Variants in PPP2R2C observed in about 807,000 individuals in gnomAD.
The protein encoded by PPP2R2C is protein phosphatase 2, regulatory subunit B, gamma.
PPP2R2C carries 10 observed loss-of-function variants against 45.3 expected under a neutral mutation model. The ratio of observed to expected loss-of-function variants is 0.22; its 90% CI spans 0.14 to 0.37. The LOEUF (loss-of-function observed/expected upper bound fraction) is 0.37, where lower values mean the gene tolerates loss of function less well. Among genes scored for constraint, PPP2R2C ranks in the 10% least tolerant of loss-of-function variants. The pLI is 1.00. For synonymous variants in PPP2R2C, 257 were observed against 245.4 expected, an observed-to-expected ratio of 1.05 and a Z score of -0.44; for missense variants, 308 against 619.7, an observed-to-expected ratio of 0.50 and a Z score of 5.34.
rs1052737800 is a variant in PPP2R2C at position 6,349,931 on chromosome 4, C to T, written c.626-1921G>A. On this transcript the variant is annotated intron_variant, in intron 5 of 8. Coordinates refer to ENST00000382599, the MANE Select transcript of PPP2R2C (RefSeq NM_020416.4). ...CAGTATTTTCTGACCTCTCTAAACC[C>T]GAGGGTTTATAAAATGCCAGGGAAA... is the stretch of plus-strand genomic sequence containing the variant. 126 of 985,134 alleles carry T rather than the reference C, an allele frequency of 1.3e-4. No homozygotes were observed. In the African/African-American group the frequency reaches 1.5e-3, roughly 12 times the overall value. The allele number at this position is 985,134 out of a possible 1,614,324, so 61.0% of individuals were successfully genotyped here.
intron 2 of PPP2R2C, among the ~76,000 whole-genome samples, chr4:6,517,247 G>A (rs1460776632): frequency 6.6e-6 from 1 of 152,110 alleles, no homozygotes; most frequent in East Asian, 1.9e-4. Context: ...CACCTTGCCC[G>A]GCACCTGCCC....
At chr4:6,470,076 C>A (rs1231226357) in intron 1 of PPP2R2C, among the ~76,000 whole-genome samples, 2 of 152,192 alleles carry the variant, frequency 1.3e-5, no homozygotes, top group Non-Finnish European at 2.9e-5. Context: ...TGAACGGCTC[C>A]TTCAACACCG....
chr4:6,414,158 G>T, intron 1 of PPP2R2C: 1 of 1,077,864 alleles, frequency 9.3e-7, no homozygotes, highest in Non-Finnish European at 1.2e-6. Context: ...ACAAAATACG[G>T]CCTAGTATGC....
chr4:6,469,629 T>C (rs1560571359), intron 1 of PPP2R2C, among the ~76,000 whole-genome samples: 1 of 152,160 alleles, frequency 6.6e-6, no homozygotes, highest in Non-Finnish European at 1.5e-5. Flanking sequence ...TATTTCTCCC[T>C]TTACAAAGGG....
At chr4:6,420,560 C>A (rs1221543179) in intron 1 of PPP2R2C, among the ~76,000 whole-genome samples, 1 of 152,176 alleles carries the variant, frequency 6.6e-6, no homozygotes, top group Non-Finnish European at 1.5e-5. Flanking sequence ...ACCCCTTCAC[C>A]CTTTCTCTAT....
Position 6,372,711 on chromosome 4 carries a change from T to G in PPP2R2C, c.448-11A>C, listed in dbSNP as rs760227523. 1 of 1,612,576 alleles carries G rather than the reference T, an allele frequency of 6.2e-7. No homozygotes were observed. Among genetic ancestry groups the G allele is most frequent in the South Asian group, 1.1e-5 (1 of 91,050 alleles). ...CTTCAGCACTGGCACCTGCAGAGGA[T>G]GAGGAGGCAGGGAAGAGGTGAAGGC... On this transcript the variant is annotated splice_polypyrimidine_tract_variant and intron_variant, in intron 4 of 8. Transcript: ENST00000382599.
At chr4:6,552,911 A>C (rs1725230040) in intron 1 of PPP2R2C, among the ~76,000 whole-genome samples, 1 of 152,234 alleles carries the variant, frequency 6.6e-6, no homozygotes, top group African/African-American at 2.4e-5. Context: ...ATGAATGGCC[A>C]CACACATGCC....
At position 6,399,619 on chromosome 4, in the gene PPP2R2C, C is replaced by A. The variant is rs1266245237; in HGVS notation, c.71-18525G>T. On this transcript the variant is annotated intron_variant, in intron 1 of 8. Coordinates refer to ENST00000382599, the MANE Select transcript of PPP2R2C (RefSeq NM_020416.4). ...CCCAGGTGTACACAGCTTCCAGGGG[C>A]CAGCAGGAAGCCATAGCCAGCGTGG... 3.3e-5 allele frequency among the ~76,000 whole-genome samples: 5 copies of A among 152,332 alleles called. No homozygotes were observed. In the South Asian group the frequency reaches 1.0e-3, roughly 32 times the overall value.
intron 2 of PPP2R2C, among the ~76,000 whole-genome samples, chr4:6,527,148 T>C (rs1368042776): frequency 6.6e-6 from 1 of 152,190 alleles, no homozygotes; most frequent in South Asian, 2.1e-4. Flanking sequence ...ATCTGTGCCA[T>C]TGAAATATTT....
chr4:6,544,877 T>C (rs1029456768), intron 1 of PPP2R2C, among the ~76,000 whole-genome samples: 2 of 152,206 alleles, frequency 1.3e-5, no homozygotes, highest in African/African-American at 4.8e-5. Context: ...CACAGTGAGG[T>C]TGATTCCAGG....
chr4:6,399,072 G>A (rs35016480), intron 1 of PPP2R2C, among the ~76,000 whole-genome samples: 2,680 of 152,262 alleles, frequency 0.018, 37 homozygotes, highest in Middle Eastern at 0.044. Flanking sequence ...GCAAATCACT[G>A]GCTACCCAGG....
At chr4:6,367,517 A>G (rs7439469) in intron 5 of PPP2R2C, among the ~76,000 whole-genome samples, 124,093 of 152,090 alleles carry the variant, frequency 0.82, 53,159 homozygotes, top group East Asian at 1. Flanking sequence ...GCCAGAATCC[A>G]CCCCACTGAG....
intron 1 of PPP2R2C, among the ~76,000 whole-genome samples, chr4:6,410,870 T>G (rs1718136808): frequency 6.7e-6 from 1 of 149,128 alleles, no homozygotes; most frequent in African/African-American, 2.5e-5. Context: ...TATTTATTTA[T>G]TTATTTATTT....
intron 2 of PPP2R2C, among the ~76,000 whole-genome samples, chr4:6,482,599 CA>C (rs763044948): frequency 1.2e-4 from 18 of 152,322 alleles, no homozygotes; most frequent in Non-Finnish European, 1.9e-4. Context: ...CTGTGTCCAG[CA>C]ATTTTGTTGA....
At chr4:6,560,733 C>T (rs948759740) in intron 1 of PPP2R2C, among the ~76,000 whole-genome samples, 2 of 152,198 alleles carry the variant, frequency 1.3e-5, no homozygotes, top group Admixed American at 6.5e-5. Context: ...GGAAGGGGCT[C>T]GTGCTTGGGG....
At chr4:6,531,349 T>C (rs1206916568) in intron 2 of PPP2R2C, among the ~76,000 whole-genome samples, 1 of 152,076 alleles carries the variant, frequency 6.6e-6, no homozygotes, top group Non-Finnish European at 1.5e-5. Context: ...AGCCAACCCG[T>C]GACAGCAAAG....
chr4:6,363,928 G>A (rs1309252654), intron 5 of PPP2R2C, among the ~76,000 whole-genome samples: 8 of 152,158 alleles, frequency 5.3e-5, no homozygotes, highest in African/African-American at 1.9e-4. Context: ...TTCCATCAAG[G>A]ACTTTCTAAG....
intron 2 of PPP2R2C, among the ~76,000 whole-genome samples, chr4:6,480,962 G>C (rs1307883647): frequency 1.3e-5 from 2 of 152,196 alleles, no homozygotes; most frequent in African/African-American, 2.4e-5. Flanking sequence ...TGAATCGCCT[G>C]TCTTTTCCCA....
intron 1 of PPP2R2C, among the ~76,000 whole-genome samples, chr4:6,459,389 T>G (rs976953591): frequency 2.0e-5 from 3 of 152,160 alleles, no homozygotes; most frequent in African/African-American, 7.2e-5. Context: ...AGCTACACGG[T>G]GTCACCTCCT....
Sources: gnomAD v4.1 joint callset for allele counts (sites outside exome capture counted in the v4.1 genomes callset) on GRCh38, gnomAD v4.1.1 for gene constraint, MANE v1.5 for transcripts, NCBI Gene and HGNC (gene_info 2026-07-23, HGNC 2026-07-21) for gene names.